The following CPAMD8 variants were observed in gnomAD, a reference collection of about 807,000 sequenced individuals.
CPAMD8 encodes C3 and PZP like alpha-2-macroglobulin domain containing 8.
In CPAMD8, 146 loss-of-function variants were observed where a neutral mutation model predicts 224.7. That is an observed-to-expected ratio of 0.65 (90% CI 0.57 to 0.75). CPAMD8 has a LOEUF of 0.75. Among genes scored for constraint, CPAMD8 ranks in the 30% least tolerant of loss-of-function variants. The pLI is 0.00. For missense variants in CPAMD8, 2,301 were observed against 2,537.5 expected (o/e 0.91, Z 2.00); for synonymous variants, 966 against 1,044.6 (o/e 0.92, Z 1.45).
At chr19:16,951,006 G>A (rs1315236234) in intron 20 of CPAMD8, among the ~76,000 whole-genome samples, 3 of 151,930 alleles carry the variant, frequency 2.0e-5, no homozygotes, top group Admixed American at 1.3e-4. Flanking sequence ...CTTTCCTGCC[G>A]CCTCCAAGAG....
Position 16,904,314 on chromosome 19 carries a change from G to T in CPAMD8, c.4163C>A (p.Thr1388Asn), listed in dbSNP as rs1754915697. The change falls in exon 32 of 42, where the codon ACT becomes AAT. Residue 1388 changes from threonine (T) to asparagine (N), a missense_variant. Physicochemically the swap from Thr to Asn is moderately conservative, Grantham distance 65. Around this residue, in one of 4 missense-constraint regions of CPAMD8, gnomAD observed 1,709 missense variants for 1,753.2 expected, o/e 0.97. Transcript: ENST00000443236. ...GGCGGCAGCCACGTCACCCAGCAGAGTGTAGGTCAGAAGGGCGTAGGCTGT... is the reference window on the plus strand; with the variant it reads ...GGCGGCAGCCACGTCACCCAGCAGATTGTAGGTCAGAAGGGCGTAGGCTGT... ...EMTAYALLTYTLLGDVAAALP... is the reference protein window; with the variant it reads ...EMTAYALLTYNLLGDVAAALP... The T allele has an allele frequency of 1.9e-6, 3 of 1,613,864 alleles. No individual in the cohort carries two copies. Among genetic ancestry groups the T allele is most frequent in the Non-Finnish European group, 2.5e-6 (3 of 1,180,020 alleles).
chr19:16,922,045 C>G (rs2053196049), intron 26 of CPAMD8, 59 bp from the exon 27 acceptor site: 2 of 1,179,044 alleles, frequency 1.7e-6, no homozygotes, highest in Non-Finnish European at 2.4e-6. Flanking sequence ...GGCCCGCCCC[C>G]AGGGACCTAC....
intron 18 of CPAMD8, among the ~76,000 whole-genome samples, chr19:16,958,893 A>G (rs1030965143): frequency 1.1e-4 from 17 of 148,970 alleles, no homozygotes; most frequent in African/African-American, 3.7e-4. Flanking sequence ...TCTGCCTCCC[A>G]GGTTCAAACG....
chr19:16,931,977 G>A lies in CPAMD8; in HGVS notation c.2846-2737C>T, dbSNP rs377179403. ...GCAAATTCAAAAGATTGGAAGAAGC[G>A]ACTGTTACACCAAACACCAAACGTA... is the stretch of plus-strand genomic sequence containing the variant. On this transcript the variant is annotated intron_variant, in intron 23 of 41. Transcript: ENST00000443236. Among the ~76,000 whole-genome samples, 21 of 152,198 alleles carry A rather than the reference G, an allele frequency of 1.4e-4. No individual in the cohort carries two copies. The South Asian group carries it at 2.1e-3, about 15-fold the overall frequency.
chr19:17,001,077 T>C (rs2056298399), intron 9 of CPAMD8, among the ~76,000 whole-genome samples: 1 of 152,040 alleles, frequency 6.6e-6, no homozygotes, highest in Admixed American at 6.6e-5. Context: ...ATCCCAGCAC[T>C]TTGGGAGGCC....
Position 16,970,987 on chromosome 19 carries a change from C to T in CPAMD8, c.2117G>A (p.Arg706Gln), listed in dbSNP as rs777970187. 2.0e-5 allele frequency: 33 copies of T among 1,613,214 alleles called. No individual in the cohort carries two copies. The highest frequency in any genetic ancestry group is 1.6e-4 in the Middle Eastern group (1 of 6,078). Reference protein sequence around the residue: ...VMTDRVSLNHRQDGGLYTDEA... With the variant: ...VMTDRVSLNHQQDGGLYTDEA... ...ATCGGTGTAGAGGCCACCGTCCTGC[C>T]GGTGGTTCAGGCTCACTCGGTCGGT... is the stretch of plus-strand genomic sequence containing the variant. The change falls in exon 18 of 42, where the codon CGG (arginine) becomes CAG (glutamine). Residue 706 changes from arginine to glutamine, a missense_variant. Physicochemically the swap from Arg to Gln is conservative, Grantham distance 43. Transcript: ENST00000443236.
At position 16,893,350 on chromosome 19, in the gene CPAMD8, G is replaced by A. The variant is rs1017597461; in HGVS notation, c.5427-11C>T. ...GGCCCGGCTGTGACCCTGGAGATGA[G>A]GTTTTATCTTACAACATCCTCTACA... On this transcript the variant is annotated splice_polypyrimidine_tract_variant and intron_variant, in intron 41 of 41. Coordinates refer to ENST00000443236, the MANE Select transcript of CPAMD8 (RefSeq NM_015692.5). 1 of 1,502,772 alleles carries A rather than the reference G, an allele frequency of 6.7e-7. No individual in the cohort carries two copies. The highest frequency in any genetic ancestry group is 2.5e-5 in the East Asian group (1 of 40,316). 93.1% of individuals were successfully genotyped at this position (1,502,772 alleles called of 1,614,324 possible).
At chr19:16,972,429 G>T (rs923510385) in intron 17 of CPAMD8, among the ~76,000 whole-genome samples, 2 of 151,894 alleles carry the variant, frequency 1.3e-5, no homozygotes, top group East Asian at 3.9e-4. Flanking sequence ...ACTTGGATTT[G>T]TGAACAAGAA....
At chr19:17,024,340 G>A (rs1404589210) in intron 1 of CPAMD8, among the ~76,000 whole-genome samples, 1 of 152,186 alleles carries the variant, frequency 6.6e-6, no homozygotes. Context: ...GGACCAACTG[G>A]AGTTTGCAAG....
intron 32 of CPAMD8, 50 bp downstream of exon 32, chr19:16,904,176 A>ACCCCCCCCCCCCCCCCCCCAG: frequency 1.1e-6 from 1 of 937,340 alleles, no homozygotes; most frequent in Non-Finnish European, 1.7e-6. Context: ...GACTGCAGGG[A>ACCCCCCCCCCCCCCCCCCCAG]CCCCACCCAC....
intron 18 of CPAMD8, among the ~76,000 whole-genome samples, chr19:16,970,085 A>G (rs2122628841): frequency 6.6e-6 from 1 of 150,530 alleles, no homozygotes; most frequent in South Asian, 2.1e-4. Context: ...ATACAAAAAA[A>G]AAAAAAATTA....
At chr19:16,991,680 C>T (rs1023600681) in intron 12 of CPAMD8, among the ~76,000 whole-genome samples, 1 of 152,106 alleles carries the variant, frequency 6.6e-6, no homozygotes, top group African/African-American at 2.4e-5. Context: ...TATAGTGAAA[C>T]CCCATCTCTA....
intron 23 of CPAMD8, among the ~76,000 whole-genome samples, chr19:16,936,702 C>T (rs771294076): frequency 2.0e-4 from 30 of 152,246 alleles, no homozygotes; most frequent in East Asian, 1.5e-3. Flanking sequence ...CCACCACAGT[C>T]GGCCTTGCCC....
At chr19:16,904,642 A>G in intron 30 of CPAMD8, 90 bp from the exon 31 acceptor site, 3 of 893,974 alleles carry the variant, frequency 3.4e-6, no homozygotes, top group Middle Eastern at 2.5e-4. Flanking sequence ...GGTCTAAAGA[A>G]AAGGTATTGT....
intron 18 of CPAMD8, among the ~76,000 whole-genome samples, chr19:16,967,888 CACAT>C (rs1203150781): frequency 1.1e-5 from 1 of 90,486 alleles, no homozygotes; most frequent in Admixed American, 1.1e-4. Context: ...TATATACACA[CACAT>C]GTGTGTGTAT....
intron 27 of CPAMD8, among the ~76,000 whole-genome samples, chr19:16,915,811 G>T (rs746439608): frequency 2.2e-5 from 3 of 136,444 alleles, no homozygotes; most frequent in African/African-American, 7.6e-5. Flanking sequence ...TAGCCTGCCC[G>T]CCTGCCCGCC....
chr19:16,938,142 G>C (rs934119409), intron 23 of CPAMD8, among the ~76,000 whole-genome samples: 1 of 152,128 alleles, frequency 6.6e-6, no homozygotes, highest in African/African-American at 2.4e-5. Flanking sequence ...TTCATTCCCT[G>C]CGTATTCCCT....
intron 19 of CPAMD8, among the ~76,000 whole-genome samples, chr19:16,956,888 G>A (rs1026851884): frequency 3.9e-5 from 6 of 151,938 alleles, no homozygotes; most frequent in Non-Finnish European, 7.4e-5. Context: ...GGGTGGTCTC[G>A]ATCTCCTGAT....
intron 17 of CPAMD8, among the ~76,000 whole-genome samples, chr19:16,974,147 T>G (rs1447260831): frequency 6.6e-6 from 1 of 151,954 alleles, no homozygotes; most frequent in Non-Finnish European, 1.5e-5. Context: ...CCTTTTTTTT[T>G]TTGAGACGGA....
Sources: gnomAD v4.1 joint callset for allele counts (sites outside exome capture counted in the v4.1 genomes callset) on GRCh38, gnomAD v4.1.1 for gene constraint, gnomAD v4.1.1 regional missense constraint, MANE v1.5 for transcripts, NCBI Gene and HGNC (gene_info 2026-07-23, HGNC 2026-07-21) for gene names.